Variants in FZD3 observed in about 807,000 individuals in gnomAD.
FZD3 encodes the protein frizzled-3.
FZD3 carries 30 observed loss-of-function variants against 60.7 expected under a neutral mutation model. That is an observed-to-expected ratio of 0.49 (90% CI 0.37 to 0.67). FZD3 has a LOEUF of 0.67. Ranked by LOEUF, FZD3 falls within the 30% of genes least tolerant of loss-of-function variation. FZD3 has a pLI of 0.00. For synonymous variants in FZD3, 246 were observed against 275.2 expected, an observed-to-expected ratio of 0.89 and a Z score of 1.05; for missense variants, 605 against 838.7, an observed-to-expected ratio of 0.72 and a Z score of 3.44.
At chr8:28,510,575 C>G (rs570221744) in intron 3 of FZD3, among the ~76,000 whole-genome samples, 2 of 152,276 alleles carry the variant, frequency 1.3e-5, no homozygotes, top group East Asian at 3.9e-4. Flanking sequence ...ATTATTGATA[C>G]ATGAGGGTTC....
chr8:28,524,798 G>A (rs571921843), intron 4 of FZD3, among the ~76,000 whole-genome samples: 1 of 152,222 alleles, frequency 6.6e-6, no homozygotes, highest in East Asian at 1.9e-4. Flanking sequence ...AGCAGCTGTT[G>A]AAAATCCTAA....
intron 6 of FZD3, among the ~76,000 whole-genome samples, chr8:28,553,242 T>A (rs1805445916): frequency 6.6e-6 from 1 of 152,188 alleles, no homozygotes; most frequent in South Asian, 2.1e-4. Flanking sequence ...CCAAAAAAAA[T>A]TCGTCTTCTA....
At chr8:28,549,904 C>T (rs1244904679) in intron 5 of FZD3, among the ~76,000 whole-genome samples, 1 of 151,978 alleles carries the variant, frequency 6.6e-6, no homozygotes, top group Non-Finnish European at 1.5e-5. Context: ...TTTGCATTCC[C>T]CTGTTTGGTC....
intron 2 of FZD3, among the ~76,000 whole-genome samples, chr8:28,501,606 A>G (rs1402351634): frequency 6.6e-6 from 1 of 152,200 alleles, no homozygotes. Context: ...CCAAATCAAA[A>G]TGTGATAGCT....
chr8:28,494,886 G>T (rs1348960835), intron 1 of FZD3, among the ~76,000 whole-genome samples: 1 of 152,158 alleles, frequency 6.6e-6, no homozygotes, highest in Non-Finnish European at 1.5e-5. Flanking sequence ...GCTCGGGTCA[G>T]CTTCGGGCCC....
chr8:28,561,541 G>T (rs1334978352), intron 7 of FZD3, among the ~76,000 whole-genome samples: 1 of 151,070 alleles, frequency 6.6e-6, no homozygotes, highest in Non-Finnish European at 1.5e-5. Flanking sequence ...GTGGATTAAC[G>T]CTTTCTGACA....
chr8:28,497,614 T>C (rs1220593016), intron 1 of FZD3, among the ~76,000 whole-genome samples: 2 of 152,220 alleles, frequency 1.3e-5, no homozygotes, highest in African/African-American at 2.4e-5. Context: ...TCTTTCTCAA[T>C]TGGAAATGCA....
intron 5 of FZD3, among the ~76,000 whole-genome samples, chr8:28,534,162 G>GTTTA (rs1388849550): frequency 6.6e-6 from 1 of 152,158 alleles, no homozygotes; most frequent in Non-Finnish European, 1.5e-5. Context: ...CATCTGAACT[G>GTTTA]TAGCCTACAG....
intron 3 of FZD3, among the ~76,000 whole-genome samples, chr8:28,512,818 C>T (rs894315542): frequency 3.9e-5 from 6 of 151,936 alleles, no homozygotes; most frequent in Non-Finnish European, 7.4e-5. Context: ...CTTTGAAAGA[C>T]AAATTTTTTT....
At chr8:28,532,009 T>C (rs548469515) in intron 5 of FZD3, among the ~76,000 whole-genome samples, 26 of 152,344 alleles carry the variant, frequency 1.7e-4, no homozygotes, top group African/African-American at 6.3e-4. Flanking sequence ...TCCCATAAAA[T>C]TTATTTTTGT....
At position 28,501,928 on chromosome 8, in the gene FZD3, A is replaced by ATTT. The variant is rs1804004691; in HGVS notation, c.-344-740_-344-738dup. Among the ~76,000 whole-genome samples the ATTT allele has an allele frequency of 4.6e-5, 7 of 152,346 alleles. No homozygotes were observed. In the South Asian group the frequency reaches 1.4e-3, roughly 32 times the overall value. ...TATAATATTGTGAAGATTTCCTAAT[A>ATTT]TTTTAGAACCTTCTATATGTCAGTT... On this transcript the variant is annotated intron_variant, in intron 2 of 7. Transcript: ENST00000240093.
rs1563412335 is a variant in FZD3 at position 28,569,938 on chromosome 8, A to G, written c.*6927A>G. The G allele has an allele frequency of 6.6e-6, 1 of 152,232 alleles. No individual in the cohort carries two copies. The highest frequency in any genetic ancestry group is 1.5e-5 in the Non-Finnish European group (1 of 68,030). 9.4% of individuals were successfully genotyped at this position (152,232 alleles called of 1,614,324 possible). On this transcript the variant is annotated 3_prime_UTR_variant, in exon 8 of 8. Coordinates refer to ENST00000240093, the MANE Select transcript of FZD3 (RefSeq NM_017412.4). ...GGTTCGTATGGCTAATTTAAAAGCA[A>G]TTCAATTTACCAATATTAAAATAAT...
At position 28,527,381 on chromosome 8, in the gene FZD3, A is replaced by G. The variant is rs1205997512; in HGVS notation, c.621A>G (p.Gly207=). The G allele has an allele frequency of 1.5e-5, 25 of 1,613,900 alleles. No homozygotes were observed. The highest frequency in any genetic ancestry group is 2.0e-5 in the Non-Finnish European group (24 of 1,179,800). ...EELSFARYFI[G]LISIICLSAT... ...TGTCATTTGCTCGCTATTTCATAGG[A>G]TTGATTTCAATCATTTGCCTCTCGG... Residue 207 remains glycine (G), a synonymous_variant, in exon 5 of 8, where the codon GGA becomes GGG. Coordinates refer to ENST00000240093, the MANE Select transcript of FZD3 (RefSeq NM_017412.4). This position sits in a 1 kb window ranked among gnomAD's most constrained non-coding sequence, Gnocchi z 5.0.
At position 28,567,677 on chromosome 8, in the gene FZD3, T is replaced by C. The variant is rs951165849; in HGVS notation, c.*4666T>C. 3 of 152,200 alleles carry C rather than the reference T, an allele frequency of 2.0e-5. No homozygotes were observed. Among genetic ancestry groups the C allele is most frequent in the African/African-American group, 7.2e-5 (3 of 41,452 alleles). 9.4% of individuals were successfully genotyped at this position (152,200 alleles called of 1,614,324 possible). A position where few individuals can be genotyped will look rare whatever the true frequency, so the allele number is the denominator to read the frequency against. On this transcript the variant is annotated 3_prime_UTR_variant, in exon 8 of 8. Coordinates refer to ENST00000240093, the MANE Select transcript of FZD3 (RefSeq NM_017412.4). ...TTAGCAATAACAACAAAATAGGCAA[T>C]TAGACCAGTGTTCATTTGGTACAGT... is the stretch of plus-strand genomic sequence containing the variant.
At chr8:28,556,898 G>A (rs1027546152) in intron 7 of FZD3, among the ~76,000 whole-genome samples, 1 of 152,202 alleles carries the variant, frequency 6.6e-6, no homozygotes, top group Non-Finnish European at 1.5e-5. Context: ...AAGCCTGGCT[G>A]TGGGTTTCTT....
intron 5 of FZD3, among the ~76,000 whole-genome samples, chr8:28,551,234 T>C (rs575270694): frequency 2.4e-4 from 37 of 152,354 alleles, no homozygotes; most frequent in African/African-American, 8.4e-4. Flanking sequence ...TACTCTATTT[T>C]ATTTAAAAGA....
rs569957210 is a variant in FZD3 at position 28,555,939 on chromosome 8, C to T, written c.1755C>T (p.Tyr585=). 6.2e-7 allele frequency: 1 copy of T among 1,613,182 alleles called. No individual in the cohort carries two copies. The highest frequency in any genetic ancestry group is 1.3e-5 in the African/African-American group (1 of 75,018). The change falls in exon 7 of 8, where the codon TAC becomes TAT. Residue 585 remains tyrosine, a synonymous_variant. Transcript: ENST00000240093. The part of the protein sequence containing the change: ...AGSIHSKVSS[Y]HGSLHRSRDG... The stretch of plus-strand genomic sequence containing the variant: ...GCATCCACAGCAAAGTGAGCAGCTA[C>T]CACGGCAGCCTCCACAGATCACGTG...
rs1364579883 is a variant in FZD3, at chr8:28,573,752, G to C, written c.*10741G>C. 2 of 150,816 alleles carry C rather than the reference G, an allele frequency of 1.3e-5. No homozygotes were observed. The highest frequency in any genetic ancestry group is 3.9e-4 in the East Asian group (2 of 5,158). 9.3% of individuals were successfully genotyped at this position (150,816 alleles called of 1,614,324 possible). ...ATTTTACTGTTACAATTTTTCAAGA[G>C]CTATAAAGGTAGAAAAAGTATTCCT... On this transcript the variant is annotated 3_prime_UTR_variant, in exon 8 of 8. Coordinates refer to ENST00000240093, the MANE Select transcript of FZD3 (RefSeq NM_017412.4).
rs1386469907 is a variant in FZD3 at position 28,527,133 on chromosome 8, GT to G, written c.387-10del. ...CATAAGTAAAAATAGTTCTCATCTT[GT>G]TTTGTTTTTTAGGTTCCCAGATTGT... On this transcript the variant is annotated splice_polypyrimidine_tract_variant and intron_variant, in intron 4 of 7. Transcript: ENST00000240093. This position sits in a 1 kb window ranked among gnomAD's most constrained non-coding sequence, Gnocchi z 5.0. 5 of 1,587,850 alleles carry G rather than the reference GT, an allele frequency of 3.1e-6. No individual in the cohort carries two copies. The highest frequency in any genetic ancestry group is 4.3e-6 in the Non-Finnish European group (5 of 1,169,670).
Sources: allele counts gnomAD v4.1 joint callset (sites outside exome capture counted in the v4.1 genomes callset), GRCh38; gene constraint gnomAD v4.1.1; non-coding constraint Gnocchi (gnomAD v3.1); transcripts MANE v1.5; gene names NCBI Gene and HGNC (gene_info 2026-07-23, HGNC 2026-07-21).